Variants in NEK10 observed in about 807,000 individuals in gnomAD.
The protein encoded by NEK10 is NIMA related kinase 10, also known as serine/threonine-protein kinase Nek10.
NEK10 carries 122 observed loss-of-function variants against 159.8 expected under a neutral mutation model. That is an observed-to-expected ratio of 0.76 (90% CI 0.66 to 0.89). The LOEUF is 0.89. Ranked by LOEUF, NEK10 falls within the 40% of genes least tolerant of loss-of-function variation. NEK10 has a pLI of 0.00. For missense variants in NEK10, 1,342 were observed against 1,323.1 expected, an observed-to-expected ratio of 1.01 and a Z score of -0.22; for synonymous variants, 466 against 457.1, an observed-to-expected ratio of 1.02 and a Z score of -0.25.
chr3:27,127,837 C>G lies in NEK10; in HGVS notation c.3081+4043G>C, dbSNP rs114379298. The stretch of plus-strand genomic sequence containing the variant: ...TTTCCCTAAAATGCTTTAATCTTTA[C>G]AGGCAATCCCTCTCCGCTTCTCCAC... On this transcript the variant is annotated intron_variant, in intron 32 of 35. Transcript: ENST00000691995. Among the ~76,000 whole-genome samples, 273 of 152,180 alleles carry G rather than the reference C, an allele frequency of 1.8e-3. 2 individuals carry two copies. The highest frequency in any genetic ancestry group is 6.2e-3 in the African/African-American group (259 of 41,538).
At chr3:27,355,169 T>C (rs1291464801) in intron 1 of NEK10, among the ~76,000 whole-genome samples, 2 of 152,092 alleles carry the variant, frequency 1.3e-5, no homozygotes, top group Non-Finnish European at 2.9e-5. Context: ...TGAGTTGAAT[T>C]TCCCTCTTTC....
chr3:27,124,174 C>T (rs1941663398), intron 32 of NEK10, among the ~76,000 whole-genome samples: 1 of 152,014 alleles, frequency 6.6e-6, no homozygotes, highest in Non-Finnish European at 1.5e-5. Context: ...AGCTGGATCC[C>T]AGAGTTTAGA....
chr3:27,119,711 C>T, intron 33 of NEK10, 49 bp downstream of exon 33: 1 of 1,380,390 alleles, frequency 7.2e-7, no homozygotes, highest in Non-Finnish European at 1.0e-6. Flanking sequence ...TTGATCCAAA[C>T]AATATATTTC....
chr3:27,134,436 A>T (rs1400256147), intron 31 of NEK10, among the ~76,000 whole-genome samples: 1 of 152,206 alleles, frequency 6.6e-6, no homozygotes, highest in Non-Finnish European at 1.5e-5. Context: ...GTCAAACAGA[A>T]AGGCAGCGAG....
Position 27,352,939 on chromosome 3 carries a change from G to T in NEK10, c.-37-20C>A. ...GCATTCCTTTAAAATTAAACCAGAGGGAAAATTTTAGTTGGGTTGCGTGTG... is the reference window on the plus strand; with the variant it reads ...GCATTCCTTTAAAATTAAACCAGAGTGAAAATTTTAGTTGGGTTGCGTGTG... On this transcript the variant is annotated intron_variant, in intron 1 of 35. Coordinates refer to ENST00000691995, the MANE Select transcript of NEK10 (RefSeq NM_001394966.1). 1 of 1,359,228 alleles carries T rather than the reference G, an allele frequency of 7.4e-7. No individual in the cohort carries two copies. The highest frequency in any genetic ancestry group is 1.0e-6 in the Non-Finnish European group (1 of 960,116). The allele number at this position is 1,359,228 out of a possible 1,614,324, so 84.2% of individuals were successfully genotyped here.
chr3:27,336,430 A>G (rs538957334), intron 5 of NEK10, among the ~76,000 whole-genome samples: 2 of 152,310 alleles, frequency 1.3e-5, no homozygotes, highest in East Asian at 1.9e-4. Flanking sequence ...GGAAGAACTA[A>G]TATCAATCCT....
chr3:27,243,460 G>A (rs952562686), intron 23 of NEK10, among the ~76,000 whole-genome samples: 1 of 151,880 alleles, frequency 6.6e-6, no homozygotes, highest in East Asian at 1.9e-4. Flanking sequence ...TGAATCCTCT[G>A]ACTTCTCCAC....
At chr3:27,136,024 T>C (rs1052508529) in intron 31 of NEK10, among the ~76,000 whole-genome samples, 9 of 152,162 alleles carry the variant, frequency 5.9e-5, no homozygotes, top group African/African-American at 2.2e-4. Context: ...TTTTTTTCCA[T>C]TGGCAATAAC....
rs559584917 is a variant in NEK10, at chr3:27,318,801, A to C, written c.447+3376T>G. 2.0e-5 allele frequency among the ~76,000 whole-genome samples: 3 copies of C among 152,332 alleles called. No homozygotes were observed. In the South Asian group the frequency reaches 6.2e-4, roughly 32 times the overall value. On this transcript the variant is annotated intron_variant, in intron 6 of 35. Transcript: ENST00000691995. ...AGGTGGTTGTCTAACATGTCTCTGG[A>C]AACTTGGGACTTAAAGGGGAAAGTT...
intron 26 of NEK10, among the ~76,000 whole-genome samples, chr3:27,190,382 GGTGGGAATA>G (rs1949005757): frequency 6.6e-6 from 1 of 152,174 alleles, no homozygotes; most frequent in South Asian, 2.1e-4. Flanking sequence ...GAAGGAAGTA[GGTGGGAATA>G]GAGATGATAC....
intron 22 of NEK10, among the ~76,000 whole-genome samples, chr3:27,282,694 A>G (rs1358578058): frequency 6.9e-6 from 1 of 144,034 alleles, no homozygotes; most frequent in Non-Finnish European, 1.5e-5. Flanking sequence ...ATATATATAC[A>G]TAACTGTGTT....
chr3:27,137,362 A>G (rs2125554547), intron 31 of NEK10, among the ~76,000 whole-genome samples: 1 of 152,328 alleles, frequency 6.6e-6, no homozygotes, highest in South Asian at 2.1e-4. Context: ...TATACATTAT[A>G]AAGTTTTTTA....
At chr3:27,131,840 T>C in intron 32 of NEK10, 40 bp downstream of exon 32, 2 of 1,148,056 alleles carry the variant, frequency 1.7e-6, no homozygotes, top group Non-Finnish European at 2.6e-6. Context: ...TATGATGTGG[T>C]TTTGTCAGCA....
intron 23 of NEK10, among the ~76,000 whole-genome samples, chr3:27,247,582 C>G (rs1955199844): frequency 6.6e-6 from 1 of 151,998 alleles, no homozygotes; most frequent in African/African-American, 2.4e-5. Flanking sequence ...GTCACCCAAA[C>G]TGCAGTGCAG....
At chr3:27,308,270 C>T (rs879777330) in intron 10 of NEK10, among the ~76,000 whole-genome samples, 4 of 152,094 alleles carry the variant, frequency 2.6e-5, no homozygotes, top group Non-Finnish European at 5.9e-5. Context: ...GGAAATGGCC[C>T]CATGATTCAA....
At chr3:27,299,141 A>G (rs1319860131) in intron 13 of NEK10, among the ~76,000 whole-genome samples, 1 of 152,188 alleles carries the variant, frequency 6.6e-6, no homozygotes, top group African/African-American at 2.4e-5. Flanking sequence ...AGTCCCTCCC[A>G]TCACAGGCCT....
At chr3:27,121,265 C>T (rs367633886) in intron 32 of NEK10, among the ~76,000 whole-genome samples, 1 of 152,116 alleles carries the variant, frequency 6.6e-6, no homozygotes, top group Non-Finnish European at 1.5e-5. Context: ...TAAAAAAGAA[C>T]AAACTATGGA....
chr3:27,341,464 T>A (rs1055931421), intron 5 of NEK10, among the ~76,000 whole-genome samples: 1 of 152,108 alleles, frequency 6.6e-6, no homozygotes, highest in African/African-American at 2.4e-5. Flanking sequence ...ACCCCATAAA[T>A]ATGTAAAATA....
intron 5 of NEK10, among the ~76,000 whole-genome samples, chr3:27,326,319 C>T (rs931710628): frequency 9.2e-5 from 14 of 152,178 alleles, no homozygotes; most frequent in African/African-American, 3.1e-4. Flanking sequence ...AAAGATCTAA[C>T]AGAAGTAATG....
Sources: allele counts gnomAD v4.1 joint callset (sites outside exome capture counted in the v4.1 genomes callset), GRCh38; gene constraint gnomAD v4.1.1; transcripts MANE v1.5; gene names NCBI Gene and HGNC (gene_info 2026-07-23, HGNC 2026-07-21).